MOCS1: variants seen among roughly 807,000 people sequenced by gnomAD.
MOCS1 encodes molybdenum cofactor synthesis 1, also known as molybdenum cofactor biosynthesis protein 1.
In MOCS1, 39 loss-of-function variants were observed where a neutral mutation model predicts 57.6. The ratio of observed to expected loss-of-function variants is 0.68; its 90% CI spans 0.52 to 0.88. MOCS1 has a LOEUF of 0.88. Among genes scored for constraint, MOCS1 ranks in the 40% least tolerant of loss-of-function variants. The pLI, the probability that MOCS1 is intolerant of heterozygous loss-of-function variation, is 0.00. For synonymous variants in MOCS1, 334 were observed against 335.7 expected (o/e 1.00, Z 0.05); for missense variants, 795 against 831.1 (o/e 0.96, Z 0.53).
chr6:39,904,525 C>T lies in MOCS1; in HGVS notation c.*1832G>A, dbSNP rs757660047. The T allele has an allele frequency of 6.8e-5, 31 of 454,174 alleles. No homozygotes were observed. Among genetic ancestry groups the T allele is most frequent in the Non-Finnish European group, 1.3e-4 (30 of 226,970 alleles). 28.1% of individuals were successfully genotyped at this position (454,174 alleles called of 1,614,324 possible). On this transcript the variant is annotated 3_prime_UTR_variant, in exon 11 of 11. Transcript: ENST00000340692. Reference sequence around the variant, plus strand: ...CTAATTTTGTGGCCAATGTAAAATTCGTCATCAACCTAACAAACACAACCT... The same window carrying T: ...CTAATTTTGTGGCCAATGTAAAATTTGTCATCAACCTAACAAACACAACCT...
intron 1 of MOCS1, among the ~76,000 whole-genome samples, chr6:39,930,242 C>T (rs1369418975): frequency 1.3e-5 from 2 of 152,166 alleles, no homozygotes; most frequent in African/African-American, 4.8e-5. Flanking sequence ...AAAATATCAG[C>T]ACCAGTCAAA....
intron 1 of MOCS1, 115 bp from the exon 2 acceptor site, chr6:39,927,570 C>T (rs1297997982): frequency 1.9e-6 from 3 of 1,609,686 alleles, no homozygotes; most frequent in Non-Finnish European, 2.5e-6. Flanking sequence ...GCTTCCAACT[C>T]TTCCACATGT....
At chr6:39,914,071 C>T (rs1196969990) in intron 4 of MOCS1, among the ~76,000 whole-genome samples, 1 of 152,194 alleles carries the variant, frequency 6.6e-6, no homozygotes, top group Non-Finnish European at 1.5e-5. Flanking sequence ...ACTACAGTGT[C>T]TTGTAAAACA....
intron 10 of MOCS1, among the ~76,000 whole-genome samples, 188 bp downstream of exon 10, chr6:39,908,867 T>A (rs1432212490): frequency 6.6e-6 from 1 of 151,532 alleles, no homozygotes; most frequent in Admixed American, 6.6e-5. Context: ...GTAAGGGGGA[T>A]CATGAACAGT....
rs1766700393 is a variant in MOCS1 at position 39,904,574 on chromosome 6, G to A, written c.*1783C>T. On this transcript the variant is annotated 3_prime_UTR_variant, in exon 11 of 11. Coordinates refer to ENST00000340692, the MANE Select transcript of MOCS1 (RefSeq NM_001358530.2). ...CTTCTCAGCAGCATTTCTCCCCTGT[G>A]ATGGAAATAAAGTGTTTAGGGCAGT... is the stretch of plus-strand genomic sequence containing the variant. The A allele has an allele frequency of 2.2e-6, 1 of 445,292 alleles. No homozygotes were observed. Among genetic ancestry groups the A allele is most frequent in the Non-Finnish European group, 4.4e-6 (1 of 226,468 alleles). The allele number at this position is 445,292 out of a possible 1,614,324, so 27.6% of individuals were successfully genotyped here. A position where few individuals can be genotyped will look rare whatever the true frequency, so the allele number is the denominator to read the frequency against.
rs1767431444 is a variant in MOCS1 at position 39,913,015 on chromosome 6, G to A, written c.758-11C>T. On this transcript the variant is annotated splice_polypyrimidine_tract_variant and intron_variant, in intron 6 of 10. Transcript: ENST00000340692. ...AGTTCCACTTGTTGCCTGTATTCGG[G>A]ATGGGGGAAGGCAAGGGGAGCTTCT... 1.2e-6 allele frequency: 2 copies of A among 1,610,972 alleles called. No individual in the cohort carries two copies. The highest frequency in any genetic ancestry group is 1.1e-5 in the South Asian group (1 of 91,022).
At chr6:39,910,915 C>T (rs1239663104) in intron 8 of MOCS1, among the ~76,000 whole-genome samples, 2 of 152,048 alleles carry the variant, frequency 1.3e-5, no homozygotes, top group Admixed American at 6.5e-5. Flanking sequence ...TTCCTCCCTG[C>T]TTTGATGTAT....
intron 1 of MOCS1, among the ~76,000 whole-genome samples, chr6:39,928,485 C>T (rs1768466470): frequency 6.6e-6 from 1 of 152,198 alleles, no homozygotes; most frequent in South Asian, 2.1e-4. Flanking sequence ...TTCTAAATTA[C>T]TCCCTTCTAT....
chr6:39,930,900 A>C (rs1768609867), intron 1 of MOCS1, among the ~76,000 whole-genome samples: 1 of 152,226 alleles, frequency 6.6e-6, no homozygotes, highest in Non-Finnish European at 1.5e-5. Context: ...TGGAAATAAT[A>C]ATCCAACCTA....
In MOCS1 at chr6:39,904,286, T is replaced by C; in HGVS notation, c.*2071A>G. 1 of 456,772 alleles carries C rather than the reference T, an allele frequency of 2.2e-6. No homozygotes were observed. Among genetic ancestry groups the C allele is most frequent in the Non-Finnish European group, 4.4e-6 (1 of 226,978 alleles). 28.3% of individuals were successfully genotyped at this position (456,772 alleles called of 1,614,324 possible). A position where few individuals can be genotyped will look rare whatever the true frequency, so the allele number is the denominator to read the frequency against. On this transcript the variant is annotated 3_prime_UTR_variant, in exon 11 of 11. Coordinates refer to ENST00000340692, the MANE Select transcript of MOCS1 (RefSeq NM_001358530.2). Reference sequence around the variant, plus strand: ...CTCTAAAAGAAAGATATTTTTCTATTTATTTTCTACATCTGGCCAGTGGCT... The same window carrying C: ...CTCTAAAAGAAAGATATTTTTCTATCTATTTTCTACATCTGGCCAGTGGCT...
At chr6:39,922,024 C>T (rs781584295) in intron 3 of MOCS1, among the ~76,000 whole-genome samples, 6 of 152,134 alleles carry the variant, frequency 3.9e-5, no homozygotes, top group African/African-American at 7.2e-5. Context: ...GCCAGTCGTT[C>T]GGGAAGTTAG....
At chr6:39,921,152 C>A (rs578155012) in intron 3 of MOCS1, among the ~76,000 whole-genome samples, 1 of 152,222 alleles carries the variant, frequency 6.6e-6, no homozygotes, top group African/African-American at 2.4e-5. Flanking sequence ...GTAATCCTAG[C>A]ACTTTGGGAG....
rs1206678515 is a variant in MOCS1, at chr6:39,906,503, C to A, written c.1765G>T (p.Val589Leu). 1 of 1,614,094 alleles carries A rather than the reference C, an allele frequency of 6.2e-7. No homozygotes were observed. The highest frequency in any genetic ancestry group is 8.5e-7 in the Non-Finnish European group (1 of 1,180,046). The stretch of plus-strand genomic sequence containing the variant: ...GCAGAGGTCAGGGCCTCCATCTCCA[C>A]CCCGGTGGGGCCCCGAGCCCGGCAA... ...ASCRARGPTG[V>L]EMEALTSAAV... Residue 589 changes from valine to leucine, a missense_variant, in exon 11 of 11, where the codon GTG becomes TTG. By Grantham distance (32) the Val-to-Leu change is conservative. This residue lies in a region of MOCS1 where 374 missense variants were observed against 422.6 expected (regional missense o/e 0.89). Coordinates refer to ENST00000340692, the MANE Select transcript of MOCS1 (RefSeq NM_001358530.2).
chr6:39,904,655 C>T lies in MOCS1; in HGVS notation c.*1702G>A, dbSNP rs1489053018. On this transcript the variant is annotated 3_prime_UTR_variant, in exon 11 of 11. Coordinates refer to ENST00000340692, the MANE Select transcript of MOCS1 (RefSeq NM_001358530.2). Reference sequence around the variant, plus strand: ...AAGGGTCTGTTCCAGCCTCTCCCTACTCCCATCCCATTTCCACCAACTGGG... The same window carrying T: ...AAGGGTCTGTTCCAGCCTCTCCCTATTCCCATCCCATTTCCACCAACTGGG... 2.2e-6 allele frequency: 1 copy of T among 454,086 alleles called. No homozygotes were observed. Among genetic ancestry groups the T allele is most frequent in the Admixed American group, 2.3e-5 (1 of 42,578 alleles). The allele number at this position is 454,086 out of a possible 1,614,324, so 28.1% of individuals were successfully genotyped here. A position where few individuals can be genotyped will look rare whatever the true frequency, so the allele number is the denominator to read the frequency against.
At chr6:39,923,896 A>G (rs958417678) in intron 3 of MOCS1, among the ~76,000 whole-genome samples, 2 of 152,140 alleles carry the variant, frequency 1.3e-5, no homozygotes, top group African/African-American at 4.8e-5. Flanking sequence ...GTGCTCATTC[A>G]TCTTCGTGTG....
intron 3 of MOCS1, among the ~76,000 whole-genome samples, chr6:39,923,425 C>T (rs114337417): frequency 0.016 from 2,477 of 152,328 alleles, 31 homozygotes; most frequent in Middle Eastern, 0.037. Flanking sequence ...TGGGGTTTCC[C>T]GGGAGAGCCC....
At chr6:39,915,723 C>T (rs772474198) in intron 4 of MOCS1, among the ~76,000 whole-genome samples, 2 of 152,086 alleles carry the variant, frequency 1.3e-5, no homozygotes, top group African/African-American at 2.4e-5. Flanking sequence ...TGGGCTGTCC[C>T]GTGTTTCTTC....
At chr6:39,908,285 C>T (rs1007004770) in intron 10 of MOCS1, among the ~76,000 whole-genome samples, 10 of 152,072 alleles carry the variant, frequency 6.6e-5, no homozygotes, top group African/African-American at 2.4e-4. Context: ...TTTTTCTTTC[C>T]TAGTGGCACA....
In MOCS1 at chr6:39,906,120, T is replaced by A. The variant is rs1272914850; in HGVS notation, c.*237A>T. 1.5e-6 allele frequency: 1 copy of A among 679,332 alleles called. No homozygotes were observed. Among genetic ancestry groups the A allele is most frequent in the Non-Finnish European group, 2.7e-6 (1 of 373,184 alleles). The allele number at this position is 679,332 out of a possible 1,614,324, so 42.1% of individuals were successfully genotyped here. ...TGCAGTCCCGCTCCCACGACCTTAG[T>A]GTCCTGGAAGGCTTAAGGGCCTGCT... On this transcript the variant is annotated 3_prime_UTR_variant, in exon 11 of 11. Transcript: ENST00000340692.
Sources: allele counts gnomAD v4.1 joint callset (sites outside exome capture counted in the v4.1 genomes callset), GRCh38; gene constraint gnomAD v4.1.1; regional missense constraint gnomAD v4.1.1; transcripts MANE v1.5; gene names NCBI Gene and HGNC (gene_info 2026-07-23, HGNC 2026-07-21).